The following ADAM12 variants were observed in gnomAD, a reference collection of about 807,000 sequenced individuals.
ADAM12 encodes the protein disintegrin and metalloproteinase domain-containing protein 12.
A neutral mutation model predicts 106.4 loss-of-function variants in ADAM12; 70 were observed. That is an observed-to-expected ratio of 0.66 (90% CI 0.54 to 0.80). ADAM12 has a LOEUF of 0.80. ADAM12 is among the 30% of genes least tolerant of loss of function. ADAM12 has a pLI of 0.00. For synonymous variants in ADAM12, 420 were observed against 433.5 expected (o/e 0.97, Z 0.39); for missense variants, 1,010 against 1,171.9 (o/e 0.86, Z 2.02).
At chr10:126,108,943 G>C (rs1450651828) in intron 7 of ADAM12, among the ~76,000 whole-genome samples, 1 of 152,124 alleles carries the variant, frequency 6.6e-6, no homozygotes, top group African/African-American at 2.4e-5. Context: ...TTGGCAAAGA[G>C]GAAACAGACA....
At chr10:126,079,875 G>A (rs1209803783) in intron 11 of ADAM12, among the ~76,000 whole-genome samples, 2 of 152,174 alleles carry the variant, frequency 1.3e-5, no homozygotes, top group African/African-American at 2.4e-5. Flanking sequence ...CTGTCAGTGC[G>A]ATCGTTGATA....
rs376366584 is a variant in ADAM12, at chr10:126,388,356, G to T, written c.-211C>A. 7 of 665,104 alleles carry T rather than the reference G, an allele frequency of 1.1e-5. No individual in the cohort carries two copies. Among genetic ancestry groups the T allele is most frequent in the Non-Finnish European group, 1.2e-5 (6 of 489,882 alleles). The allele number at this position is 665,104 out of a possible 1,614,324, so 41.2% of individuals were successfully genotyped here. A position where few individuals can be genotyped will look rare whatever the true frequency, so the allele number is the denominator to read the frequency against. ...AGTTTCCCCCCGTGTGTGTGCGTGC[G>T]TGCGCGCGCGCGCGCCGTTCTGGCA... On this transcript the variant is annotated 5_prime_UTR_variant, in exon 1 of 23. Coordinates refer to ENST00000448723, the MANE Select transcript of ADAM12 (RefSeq NM_001288973.2). The surrounding 1 kb of genome is among the most constrained non-coding windows in gnomAD (Gnocchi z 4.4).
At chr10:126,313,573 A>C (rs7894591) in intron 2 of ADAM12, among the ~76,000 whole-genome samples, 54,768 of 152,004 alleles carry the variant, frequency 0.36, 10,217 homozygotes, top group East Asian at 0.41. Flanking sequence ...CACCTCATCA[A>C]CACCACCTGC....
chr10:126,186,350 T>C (rs562709639), intron 3 of ADAM12, among the ~76,000 whole-genome samples: 59 of 152,240 alleles, frequency 3.9e-4, no homozygotes, highest in African/African-American at 1.3e-3. Flanking sequence ...TGTGGAGCAA[T>C]GTGGTGCTTG....
At chr10:126,045,399 C>A (rs772762304) in intron 17 of ADAM12, among the ~76,000 whole-genome samples, 8 of 152,110 alleles carry the variant, frequency 5.3e-5, no homozygotes, top group Non-Finnish European at 1.0e-4. Flanking sequence ...GTGTAAGAAT[C>A]ATTGGCAAGT....
intron 2 of ADAM12, among the ~76,000 whole-genome samples, chr10:126,287,406 A>C (rs1236077034): frequency 6.6e-6 from 1 of 152,138 alleles, no homozygotes; most frequent in African/African-American, 2.4e-5. Context: ...CACAGCTAAA[A>C]TTCAGCTTTT....
intron 3 of ADAM12, among the ~76,000 whole-genome samples, chr10:126,162,608 T>G: frequency 6.6e-6 from 1 of 151,794 alleles, no homozygotes; most frequent in Non-Finnish European, 1.5e-5. Flanking sequence ...GCCACACAGA[T>G]GAGACTTGGA....
At chr10:126,303,515 A>G (rs1383840343) in intron 2 of ADAM12, among the ~76,000 whole-genome samples, 1 of 152,214 alleles carries the variant, frequency 6.6e-6, no homozygotes, top group Admixed American at 6.5e-5. Flanking sequence ...GAAGATTCAC[A>G]CAGAGCATTC....
intron 1 of ADAM12, among the ~76,000 whole-genome samples, chr10:126,369,172 T>C (rs1856020867): frequency 6.6e-6 from 1 of 152,206 alleles, no homozygotes; most frequent in Non-Finnish European, 1.5e-5. Flanking sequence ...CATGAAAGGT[T>C]GTACAAACAC....
chr10:126,258,613 G>A (rs1034231801), intron 3 of ADAM12, among the ~76,000 whole-genome samples: 1 of 152,058 alleles, frequency 6.6e-6, no homozygotes, highest in African/African-American at 2.4e-5. Flanking sequence ...TAGCCCCTTG[G>A]TCTCCCTTTT....
At position 126,066,196 on chromosome 10, in the gene ADAM12, C is replaced by A. The variant is rs1241346404; in HGVS notation, c.1413+521G>T. Among the ~76,000 whole-genome samples the A allele has an allele frequency of 5.3e-5, 8 of 152,216 alleles. No individual in the cohort carries two copies. Among genetic ancestry groups the A allele is most frequent in the African/African-American group, 1.9e-4 (8 of 41,460 alleles). ...CCAAAAGAAACGCAGTCCTAGCCAG[C>A]AGCAATGGCGAGAGTATAAAACTGC... On this transcript the variant is annotated intron_variant, in intron 13 of 22. Coordinates refer to ENST00000448723, the MANE Select transcript of ADAM12 (RefSeq NM_001288973.2). This position sits in a 1 kb window ranked among gnomAD's most constrained non-coding sequence, Gnocchi z 5.1.
chr10:126,192,921 G>A (rs1001145125), intron 3 of ADAM12, among the ~76,000 whole-genome samples: 7 of 152,236 alleles, frequency 4.6e-5, no homozygotes, highest in African/African-American at 1.7e-4. Flanking sequence ...AGAGTCGCCA[G>A]CCTTTGCCAA....
At chr10:126,113,868 C>A (rs1426300977) in intron 6 of ADAM12, among the ~76,000 whole-genome samples, 3 of 150,648 alleles carry the variant, frequency 2.0e-5, no homozygotes, top group Non-Finnish European at 4.4e-5. Flanking sequence ...ACATGGGTAG[C>A]CACATGCAAG....
At chr10:126,345,633 G>A (rs1212926522) in intron 1 of ADAM12, among the ~76,000 whole-genome samples, 1 of 152,164 alleles carries the variant, frequency 6.6e-6, no homozygotes, top group Admixed American at 6.5e-5. Context: ...GTAGAATTCG[G>A]CTGCGAATCC....
intron 1 of ADAM12, among the ~76,000 whole-genome samples, chr10:126,366,258 G>T (rs144625653): frequency 6.6e-6 from 1 of 152,114 alleles, no homozygotes; most frequent in Non-Finnish European, 1.5e-5. Flanking sequence ...AAAAATGACA[G>T]ATGAATGAAT....
chr10:126,269,614 G>T lies in ADAM12; in HGVS notation c.260+9301C>A, dbSNP rs546467850. The stretch of plus-strand genomic sequence containing the variant: ...CTAAGATGGCATCAGCCTCTCCACT[G>T]CTAGAGACCTCCTGGGAAGAGCCAG... On this transcript the variant is annotated intron_variant, in intron 3 of 22. Transcript: ENST00000448723. Among the ~76,000 whole-genome samples the T allele has an allele frequency of 2.0e-5, 3 of 152,274 alleles. No individual in the cohort carries two copies. In the South Asian group the frequency reaches 6.2e-4, roughly 32 times the overall value.
chr10:126,238,301 GAA>G (rs1565159058), intron 3 of ADAM12, among the ~76,000 whole-genome samples: 1 of 151,990 alleles, frequency 6.6e-6, no homozygotes, highest in Non-Finnish European at 1.5e-5. Flanking sequence ...CCAACATGGG[GAA>G]ACCCCATCTC....
At chr10:126,131,514 G>A (rs61066588) in intron 5 of ADAM12, among the ~76,000 whole-genome samples, 3,286 of 152,252 alleles carry the variant, frequency 0.022, 117 homozygotes, top group African/African-American at 0.075. Context: ...TCGGGAGATG[G>A]GGCCTTTGGG....
intron 3 of ADAM12, among the ~76,000 whole-genome samples, chr10:126,233,634 C>T (rs1276080660): frequency 6.6e-6 from 1 of 152,070 alleles, no homozygotes; most frequent in Non-Finnish European, 1.5e-5. Flanking sequence ...GAGGATTGAG[C>T]CTGGCTCTCC....
Sources: gnomAD v4.1 joint callset for allele counts (sites outside exome capture counted in the v4.1 genomes callset) on GRCh38, gnomAD v4.1.1 for gene constraint, Gnocchi (gnomAD v3.1) non-coding constraint, MANE v1.5 for transcripts, NCBI Gene and HGNC (gene_info 2026-07-23, HGNC 2026-07-21) for gene names.